Variants in CMIP observed in about 807,000 individuals in gnomAD.
CMIP encodes the protein c-Maf inducing protein.
Under a neutral mutation model 97.3 loss-of-function variants are expected in CMIP, and 13 were observed. The observed-to-expected ratio is 0.13, with a 90% CI of 0.09 to 0.21. The LOEUF (loss-of-function observed/expected upper bound fraction) is 0.21, where lower values mean the gene tolerates loss of function less well. Among genes scored for constraint, CMIP ranks in the 10% least tolerant of loss-of-function variants. The pLI is 1.00. For missense variants in CMIP, 847 were observed against 1,024.9 expected, an observed-to-expected ratio of 0.83 and a Z score of 2.37; for synonymous variants, 538 against 436.3, an observed-to-expected ratio of 1.23 and a Z score of -2.91.
intron 9 of CMIP, 136 bp from the exon 10 acceptor site, chr16:81,678,139 A>G (rs1904459712): frequency 2.9e-6 from 2 of 689,140 alleles, no homozygotes; most frequent in Non-Finnish European, 4.8e-6. Flanking sequence ...CAGTTTCCTC[A>G]TTTGTAGCAC....
intron 3 of CMIP, among the ~76,000 whole-genome samples, chr16:81,625,766 C>T (rs934394195): frequency 3.1e-4 from 47 of 152,232 alleles, no homozygotes; most frequent in African/African-American, 1.1e-3. Flanking sequence ...CCAGGATGCA[C>T]CTGCTATGGG....
At chr16:81,639,261 CTT>C (rs2092274846) in intron 3 of CMIP, among the ~76,000 whole-genome samples, 1 of 152,214 alleles carries the variant, frequency 6.6e-6, no homozygotes, top group African/African-American at 2.4e-5. Context: ...TAAATATTCT[CTT>C]GTTTAGTTCG....
At chr16:81,457,671 G>T (rs891084252) in intron 1 of CMIP, among the ~76,000 whole-genome samples, 3 of 152,208 alleles carry the variant, frequency 2.0e-5, no homozygotes, top group African/African-American at 4.8e-5. Flanking sequence ...CACCTACCTC[G>T]TGAGGTCCCA....
At chr16:81,461,212 C>G (rs768747715) in intron 1 of CMIP, among the ~76,000 whole-genome samples, 1 of 152,186 alleles carries the variant, frequency 6.6e-6, no homozygotes, top group Non-Finnish European at 1.5e-5. Flanking sequence ...GTGCATGGAG[C>G]ATGAGGGGCT....
chr16:81,485,661 A>C (rs534155502), intron 1 of CMIP, among the ~76,000 whole-genome samples: 5 of 152,374 alleles, frequency 3.3e-5, no homozygotes, highest in African/African-American at 1.2e-4. Context: ...AGTAAGAGCT[A>C]ACATTAACTG....
intron 1 of CMIP, among the ~76,000 whole-genome samples, chr16:81,466,197 C>T (rs1313572011): frequency 1.3e-5 from 2 of 152,042 alleles, no homozygotes; most frequent in East Asian, 3.8e-4. Flanking sequence ...AGTAGCTGGG[C>T]CTGCGGGTGT....
At chr16:81,692,364 G>A (rs542264924) in intron 11 of CMIP, among the ~76,000 whole-genome samples, 4 of 152,178 alleles carry the variant, frequency 2.6e-5, no homozygotes, top group Non-Finnish European at 5.9e-5. Context: ...TCTCTTGCCG[G>A]CCCCTAGCAC....
intron 1 of CMIP, among the ~76,000 whole-genome samples, chr16:81,528,640 G>A (rs747447245): frequency 7.2e-5 from 11 of 152,200 alleles, no homozygotes; most frequent in Non-Finnish European, 1.6e-4. Flanking sequence ...TGAGGTCACA[G>A]CTACCTGCTT....
chr16:81,663,757 C>G (rs1597214019), intron 6 of CMIP, among the ~76,000 whole-genome samples: 1 of 152,116 alleles, frequency 6.6e-6, no homozygotes, highest in African/African-American at 2.4e-5. Context: ...CCAATGAGAC[C>G]AGCTTGTGGG....
At chr16:81,547,098 C>T (rs953991308) in intron 1 of CMIP, among the ~76,000 whole-genome samples, 3 of 152,194 alleles carry the variant, frequency 2.0e-5, no homozygotes, top group African/African-American at 7.2e-5. Context: ...ATGGCCGAGC[C>T]ATGCCTGGGC....
chr16:81,517,642 A>G (rs1374228281), intron 1 of CMIP, among the ~76,000 whole-genome samples: 3 of 152,206 alleles, frequency 2.0e-5, no homozygotes, highest in Non-Finnish European at 4.4e-5. Flanking sequence ...GTGAAATTGC[A>G]AAGTATGTAA....
intron 6 of CMIP, 30 bp downstream of exon 6, chr16:81,660,976 T>C (rs1240010191): frequency 1.9e-6 from 3 of 1,613,824 alleles, no homozygotes; most frequent in South Asian, 2.2e-5. Flanking sequence ...GGGCTGTGGC[T>C]GCAGGAAGTA....
At chr16:81,708,593 G>C (rs1485646567) in intron 20 of CMIP, among the ~76,000 whole-genome samples, 1 of 152,220 alleles carries the variant, frequency 6.6e-6, no homozygotes, top group Non-Finnish European at 1.5e-5. Context: ...TCCCTGTGGA[G>C]GGGACTCGAG....
At chr16:81,606,048 C>A (rs2091739003) in intron 1 of CMIP, among the ~76,000 whole-genome samples, 1 of 152,232 alleles carries the variant, frequency 6.6e-6, no homozygotes, top group Non-Finnish European at 1.5e-5. Flanking sequence ...CAGACAGATA[C>A]TGAAATTAAC....
intron 10 of CMIP, among the ~76,000 whole-genome samples, chr16:81,680,943 A>T (rs1904813161): frequency 6.6e-6 from 1 of 152,186 alleles, no homozygotes; most frequent in African/African-American, 2.4e-5. Flanking sequence ...CAGTTGACAC[A>T]CATTTTTTCC....
intron 1 of CMIP, among the ~76,000 whole-genome samples, chr16:81,522,976 G>A (rs747433408): frequency 4.6e-5 from 7 of 151,932 alleles, no homozygotes; most frequent in African/African-American, 4.8e-5. Context: ...ACCCAGGCCG[G>A]AGTGCAGTGG....
intron 3 of CMIP, among the ~76,000 whole-genome samples, chr16:81,624,488 CAA>C (rs371369093): frequency 0.083 from 7,699 of 92,548 alleles, 389 homozygotes; most frequent in East Asian, 0.26. Context: ...GACTCCGTCT[CAA>C]AAAAAAAAAA....
intron 3 of CMIP, among the ~76,000 whole-genome samples, chr16:81,642,620 A>C (rs1475460465): frequency 2.6e-5 from 4 of 152,228 alleles, no homozygotes; most frequent in African/African-American, 9.6e-5. Context: ...ACAACCCAAG[A>C]GTTCATCAGC....
At chr16:81,708,063 G>A (rs143761225) in intron 20 of CMIP, among the ~76,000 whole-genome samples, 3,388 of 152,358 alleles carry the variant, frequency 0.022, 50 homozygotes, top group Middle Eastern at 0.065. Context: ...CAGGGACACC[G>A]AGGTGTGGCT....
Sources: allele counts gnomAD v4.1 joint callset (sites outside exome capture counted in the v4.1 genomes callset), GRCh38; gene constraint gnomAD v4.1.1; transcripts MANE v1.5; gene names NCBI Gene and HGNC (gene_info 2026-07-23, HGNC 2026-07-21).